The following GADL1 variants were observed in gnomAD, a reference collection of about 807,000 sequenced individuals.
GADL1 encodes GAD like acidic amino acid decarboxylase 1, also known as acidic amino acid decarboxylase GADL1.
GADL1 carries 71 observed loss-of-function variants against 69.5 expected under a neutral mutation model. The observed-to-expected ratio is 1.02, with a 90% CI of 0.84 to 1.25. The LOEUF (loss-of-function observed/expected upper bound fraction) is 1.25, where lower values mean the gene tolerates loss of function less well. GADL1 is among the 50% of genes most tolerant of loss of function. GADL1 has a pLI of 0.00. For missense variants in GADL1, 737 were observed against 631.8 expected, an observed-to-expected ratio of 1.17 and a Z score of -1.79; for synonymous variants, 254 against 214.4, an observed-to-expected ratio of 1.18 and a Z score of -1.62.
chr3:30,799,170 A>G (rs933492069), intron 12 of GADL1: 3 of 152,204 alleles, frequency 2.0e-5, no homozygotes, highest in Admixed American at 2.0e-4. Flanking sequence ...CTCTGACCCC[A>G]CATTTCCCTT....
intron 12 of GADL1, chr3:30,800,143 G>A (rs1427801968): frequency 1.3e-5 from 2 of 152,396 alleles, no homozygotes; most frequent in Non-Finnish European, 2.9e-5. Flanking sequence ...TACCATATTA[G>A]TCTGTTTTCA....
chr3:30,746,574 A>T (rs2125475444), intron 14 of GADL1, among the ~76,000 whole-genome samples: 2 of 152,264 alleles, frequency 1.3e-5, no homozygotes, highest in Middle Eastern at 6.8e-3. Flanking sequence ...CAGGTGAGAC[A>T]GGTGATGGGG....
At chr3:30,832,309 A>T (rs909768406) in intron 11 of GADL1, among the ~76,000 whole-genome samples, 1 of 151,164 alleles carries the variant, frequency 6.6e-6, no homozygotes, top group East Asian at 2.0e-4. Context: ...CATGGGTTTT[A>T]TTGTCACTAA....
intron 14 of GADL1, among the ~76,000 whole-genome samples, chr3:30,768,046 C>A (rs951597799): frequency 7.1e-6 from 1 of 140,400 alleles, no homozygotes; most frequent in African/African-American, 2.7e-5. Context: ...CCCCCCCCCC[C>A]CTTATCCTTA....
intron 14 of GADL1, among the ~76,000 whole-genome samples, chr3:30,772,962 C>A (rs756814296): frequency 1.3e-5 from 2 of 152,052 alleles, no homozygotes; most frequent in Non-Finnish European, 2.9e-5. Context: ...CACTAGGAAC[C>A]ACCACTAGCA....
At chr3:30,842,150 T>A (rs1697976956) in intron 8 of GADL1, among the ~76,000 whole-genome samples, 1 of 152,196 alleles carries the variant, frequency 6.6e-6, no homozygotes, top group Non-Finnish European at 1.5e-5. Flanking sequence ...ATTTGTGAAC[T>A]TTATTTGAAT....
intron 1 of GADL1, among the ~76,000 whole-genome samples, chr3:30,872,360 T>C (rs532489202): frequency 1.6e-4 from 25 of 152,054 alleles, no homozygotes; most frequent in African/African-American, 5.8e-4. Context: ...TCACCCCCCA[T>C]AGTCATAGTT....
chr3:30,781,217 G>T (rs1265167373), intron 13 of GADL1, among the ~76,000 whole-genome samples: 3 of 152,130 alleles, frequency 2.0e-5, no homozygotes, highest in Admixed American at 1.3e-4. Flanking sequence ...TGCCATTAAA[G>T]AATGAATACA....
intron 14 of GADL1, among the ~76,000 whole-genome samples, chr3:30,750,216 G>A (rs1466197959): frequency 6.6e-6 from 1 of 152,158 alleles, no homozygotes; most frequent in Non-Finnish European, 1.5e-5. Flanking sequence ...ACAATCAGAA[G>A]AGCACATAAC....
chr3:30,828,824 C>T (rs1042704019), intron 11 of GADL1, among the ~76,000 whole-genome samples: 5 of 151,824 alleles, frequency 3.3e-5, no homozygotes, highest in African/African-American at 9.7e-5. Context: ...AATGTAAATG[C>T]TTTTGAAGAA....
At chr3:30,752,757 A>G (rs1422901750) in intron 14 of GADL1, among the ~76,000 whole-genome samples, 1 of 152,212 alleles carries the variant, frequency 6.6e-6, no homozygotes, top group East Asian at 1.9e-4. Flanking sequence ...AGTGGAGTCC[A>G]AAGATTTGTT....
At chr3:30,839,718 G>A (rs1456007804) in intron 8 of GADL1, among the ~76,000 whole-genome samples, 8 of 152,086 alleles carry the variant, frequency 5.3e-5, no homozygotes, top group African/African-American at 1.9e-4. Context: ...CCATTGGCAT[G>A]TGCTGGAAAA....
At chr3:30,781,207 TGCC>T (rs1696658554) in intron 13 of GADL1, among the ~76,000 whole-genome samples, 2 of 152,162 alleles carry the variant, frequency 1.3e-5, no homozygotes, top group Admixed American at 6.5e-5. Flanking sequence ...AGGAGTAATG[TGCC>T]ATTAAAGAAT....
Position 30,801,014 on chromosome 3 carries a change from A to G in GADL1, c.1125T>C (p.Tyr375=), listed in dbSNP as rs776202516. 1 of 1,613,956 alleles carries G rather than the reference A, an allele frequency of 6.2e-7. No homozygotes were observed. Among genetic ancestry groups the G allele is most frequent in the Non-Finnish European group, 8.5e-7 (1 of 1,179,878 alleles). Residue 375 remains tyrosine, a synonymous_variant, in exon 12 of 15, where the codon TAT becomes TAC. Coordinates refer to ENST00000282538, the MANE Select transcript of GADL1 (RefSeq NM_207359.3). ...ACTGGATAGACTTGTCTCCTGTGTC[A>G]TAGCTCACATCATAGAATTTATCCT... ...FQQDKFYDVS[Y]DTGDKSIQCS...
intron 12 of GADL1, among the ~76,000 whole-genome samples, chr3:30,788,637 A>C (rs980167341): frequency 2.2e-4 from 33 of 152,230 alleles, no homozygotes; most frequent in African/African-American, 7.7e-4. Context: ...GTTTGAAAGC[A>C]TCTTACCCAC....
intron 1 of GADL1, among the ~76,000 whole-genome samples, chr3:30,871,813 G>A (rs193292783): frequency 2.6e-5 from 4 of 151,792 alleles, no homozygotes; most frequent in South Asian, 2.1e-4. Flanking sequence ...TCAGAAGGGA[G>A]TCTCTGAAAC....
intron 14 of GADL1, among the ~76,000 whole-genome samples, chr3:30,773,029 T>G (rs1016596196): frequency 8.6e-5 from 13 of 151,892 alleles, no homozygotes; most frequent in African/African-American, 3.1e-4. Flanking sequence ...AGGGGAGAGA[T>G]AGGGAGGAAT....
At chr3:30,814,419 G>A (rs1553641040) in intron 11 of GADL1, among the ~76,000 whole-genome samples, 1 of 152,162 alleles carries the variant, frequency 6.6e-6, no homozygotes, top group Non-Finnish European at 1.5e-5. Context: ...AGGATAGATA[G>A]AATCTTATCT....
At chr3:30,890,995 T>A (rs1698777235) in intron 1 of GADL1, among the ~76,000 whole-genome samples, 1 of 152,014 alleles carries the variant, frequency 6.6e-6, no homozygotes, top group Admixed American at 6.6e-5. Flanking sequence ...AGAGACCCAA[T>A]CTGAACAGGC....
Sources: gnomAD v4.1 joint callset for allele counts (sites outside exome capture counted in the v4.1 genomes callset) on GRCh38, gnomAD v4.1.1 for gene constraint, MANE v1.5 for transcripts, NCBI Gene and HGNC (gene_info 2026-07-23, HGNC 2026-07-21) for gene names.